FRMD4A: variants seen among roughly 807,000 people sequenced by gnomAD.
FRMD4A encodes the protein FERM domain-containing protein 4A.
FRMD4A carries 29 observed loss-of-function variants against 129.1 expected under a neutral mutation model. The observed-to-expected ratio is 0.22, with a 90% confidence interval of 0.17 to 0.31. The LOEUF (loss-of-function observed/expected upper bound fraction) is 0.31, where lower values mean the gene tolerates loss of function less well. Among genes scored for constraint, FRMD4A ranks in the 10% least tolerant of loss-of-function variants. FRMD4A has a pLI of 1.00. For missense variants in FRMD4A, 1,272 were observed against 1,375.8 expected (o/e 0.92, Z 1.19); for synonymous variants, 634 against 571.6 (o/e 1.11, Z -1.56).
rs781336728 is a variant in FRMD4A at position 13,657,306 on chromosome 10, C to T, written c.2283G>A (p.Pro761=). The change falls in exon 22 of 25, where the codon CCG becomes CCA. Residue 761 remains proline (P), a synonymous_variant. Coordinates refer to ENST00000357447, the MANE Select transcript of FRMD4A (RefSeq NM_018027.5). ...TGGAGTAGTTGGCGTTCATCTGCGC[C>T]GGGTAGTAGTGCTCCGAGCTCGAGT... The part of the protein sequence containing the change: ...TSHSSSEHYY[P]AQMNANYSTL... 23 of 1,610,842 alleles carry T rather than the reference C, an allele frequency of 1.4e-5. No individual in the cohort carries two copies. The South Asian group carries it at 1.9e-4, about 13-fold the overall frequency.
chr10:13,912,353 G>A (rs1369771280), intron 2 of FRMD4A, among the ~76,000 whole-genome samples: 1 of 152,020 alleles, frequency 6.6e-6, no homozygotes, highest in Non-Finnish European at 1.5e-5. Flanking sequence ...GGGACCATGT[G>A]ACCCATGCCT....
At chr10:13,771,909 G>A (rs571058924) in intron 6 of FRMD4A, among the ~76,000 whole-genome samples, 30 of 151,696 alleles carry the variant, frequency 2.0e-4, no homozygotes, top group Non-Finnish European at 4.0e-4. Context: ...GTGAAACCCT[G>A]TTTCACTTTG....
At chr10:13,681,339 A>C (rs890176195) in intron 15 of FRMD4A, among the ~76,000 whole-genome samples, 10 of 152,322 alleles carry the variant, frequency 6.6e-5, no homozygotes, top group Non-Finnish European at 1.5e-4. Flanking sequence ...CTCAAAAGCT[A>C]AACAGAGTTT....
intron 2 of FRMD4A, among the ~76,000 whole-genome samples, chr10:14,204,205 C>T (rs1842717135): frequency 1.3e-5 from 2 of 151,884 alleles, no homozygotes; most frequent in Admixed American, 1.3e-4. Context: ...GGGAGGATTG[C>T]TTGAGCCCAA....
intron 12 of FRMD4A, among the ~76,000 whole-genome samples, chr10:13,724,594 C>T (rs537235222): frequency 5.3e-5 from 8 of 152,304 alleles, no homozygotes; most frequent in African/African-American, 1.9e-4. Context: ...TGATTTGCTT[C>T]TTCAAATTGC....
intron 2 of FRMD4A, among the ~76,000 whole-genome samples, chr10:14,262,792 C>T (rs1415513470): frequency 6.6e-6 from 1 of 152,176 alleles, no homozygotes. Flanking sequence ...CTCAGACCAC[C>T]ATGCTGGTTC....
rs1315493558 is a variant in FRMD4A, at chr10:13,675,063, G to T, written c.1118-19C>A. 1.2e-6 allele frequency: 2 copies of T among 1,609,272 alleles called. No individual in the cohort carries two copies. The highest frequency in any genetic ancestry group is 1.3e-5 in the African/African-American group (1 of 75,024). On this transcript the variant is annotated intron_variant, in intron 15 of 24. Coordinates refer to ENST00000357447, the MANE Select transcript of FRMD4A (RefSeq NM_018027.5). ...TGAGAACCTGTCGATAAACAGTGGG[G>T]TTACTTGGCCAGCTGACAGGGGACA...
At chr10:14,081,136 T>C (rs985933930) in intron 2 of FRMD4A, among the ~76,000 whole-genome samples, 1 of 151,896 alleles carries the variant, frequency 6.6e-6, no homozygotes, top group African/African-American at 2.4e-5. Flanking sequence ...TTTGGTAGAG[T>C]TTAATAAACT....
At chr10:14,097,693 G>C (rs1395651243) in intron 2 of FRMD4A, among the ~76,000 whole-genome samples, 2 of 151,270 alleles carry the variant, frequency 1.3e-5, no homozygotes, top group Non-Finnish European at 2.9e-5. Flanking sequence ...ATATAAACTA[G>C]TTTTAGTTTT....
intron 2 of FRMD4A, among the ~76,000 whole-genome samples, chr10:14,287,447 G>C (rs1054332721): frequency 7.2e-5 from 11 of 152,026 alleles, no homozygotes; most frequent in Non-Finnish European, 7.4e-5. Flanking sequence ...AAGTGATTAG[G>C]ATACTAGTTA....
chr10:14,164,123 A>C (rs192038727), intron 2 of FRMD4A, among the ~76,000 whole-genome samples: 3 of 152,296 alleles, frequency 2.0e-5, no homozygotes, highest in Admixed American at 1.3e-4. Flanking sequence ...CTGCAAACCA[A>C]CCATGGCTTT....
chr10:14,103,797 G>A (rs149308985), intron 2 of FRMD4A, among the ~76,000 whole-genome samples: 1 of 152,260 alleles, frequency 6.6e-6, no homozygotes, highest in Non-Finnish European at 1.5e-5. Flanking sequence ...TCACTGAGAT[G>A]TTTTTCTTCC....
At chr10:13,681,492 G>A (rs995672345) in intron 15 of FRMD4A, among the ~76,000 whole-genome samples, 3 of 152,062 alleles carry the variant, frequency 2.0e-5, no homozygotes, top group African/African-American at 7.2e-5. Flanking sequence ...AACATGAGTT[G>A]GTGTAGGAGT....
chr10:13,650,620 G>C (rs773788750), intron 24 of FRMD4A, among the ~76,000 whole-genome samples: 28 of 152,112 alleles, frequency 1.8e-4, no homozygotes, highest in Non-Finnish European at 3.1e-4. Context: ...ACATCACCCT[G>C]GCACTGGGGC....
intron 2 of FRMD4A, among the ~76,000 whole-genome samples, chr10:14,304,418 A>G (rs1359729508): frequency 6.6e-6 from 1 of 152,164 alleles, no homozygotes; most frequent in African/African-American, 2.4e-5. Flanking sequence ...GTTTTGGTGG[A>G]AATGGAAACA....
rs185164482 is a variant in FRMD4A at position 14,276,917 on chromosome 10, T to C, written c.45+53141A>G. On this transcript the variant is annotated intron_variant, in intron 2 of 24. Coordinates refer to ENST00000357447, the MANE Select transcript of FRMD4A (RefSeq NM_018027.5). Reference sequence around the variant, plus strand: ...GGTCTCATTCTCTGCCAGGCTGGAGTGCAGTGGCACAGTCTTGGCTCACTG... The same window carrying C: ...GGTCTCATTCTCTGCCAGGCTGGAGCGCAGTGGCACAGTCTTGGCTCACTG... Among the ~76,000 whole-genome samples the C allele has an allele frequency of 3.9e-5, 6 of 152,298 alleles. No homozygotes were observed. In the East Asian group the frequency reaches 1.2e-3, roughly 29 times the overall value.
At chr10:14,157,154 G>T (rs1840642201) in intron 2 of FRMD4A, among the ~76,000 whole-genome samples, 1 of 152,152 alleles carries the variant, frequency 6.6e-6, no homozygotes. Flanking sequence ...GCTCCTTAGG[G>T]GAATAGCCCA....
chr10:13,706,859 A>G (rs1160147090), intron 13 of FRMD4A, among the ~76,000 whole-genome samples, 178 bp downstream of exon 13: 1 of 151,890 alleles, frequency 6.6e-6, no homozygotes, highest in African/African-American at 2.4e-5. Flanking sequence ...TGCATTTATC[A>G]ACACATGTAA....
chr10:13,874,552 T>A (rs1242699513), intron 2 of FRMD4A, among the ~76,000 whole-genome samples: 2 of 152,122 alleles, frequency 1.3e-5, no homozygotes, highest in South Asian at 4.1e-4. Flanking sequence ...AAAAAGTTAA[T>A]GTAAATTTCA....
Sources: allele counts gnomAD v4.1 joint callset (sites outside exome capture counted in the v4.1 genomes callset), GRCh38; gene constraint gnomAD v4.1.1; transcripts MANE v1.5; gene names NCBI Gene and HGNC (gene_info 2026-07-23, HGNC 2026-07-21).